The following DCHS1 variants were observed in gnomAD, a reference collection of about 807,000 sequenced individuals.
DCHS1 encodes protocadherin-16.
Under a neutral mutation model 213.9 loss-of-function variants are expected in DCHS1, and 78 were observed. The ratio of observed to expected loss-of-function variants is 0.36; its 90% CI spans 0.30 to 0.44. The LOEUF (loss-of-function observed/expected upper bound fraction) is 0.44, where lower values mean the gene tolerates loss of function less well. Ranked by LOEUF, DCHS1 falls within the 20% of genes least tolerant of loss-of-function variation. DCHS1 has a pLI of 1.00. For missense variants in DCHS1, 3,946 were observed against 4,395.9 expected, an observed-to-expected ratio of 0.90 and a Z score of 2.89; for synonymous variants, 1,828 against 1,873.7, an observed-to-expected ratio of 0.98 and a Z score of 0.63.
rs763186035 is a variant in DCHS1 at position 6,621,794 on chromosome 11, C to T, written c.9882G>A (p.Thr3294=). The change falls in exon 21 of 21, where the codon ACG becomes ACA. Residue 3294 remains threonine (T), a synonymous_variant. Transcript: ENST00000299441. ...TGGGCCACAGCTAGATGTGCAGCTCCGTGTCATCAGGTGGCTCCAGGCCAG... is the reference window on the plus strand; with the variant it reads ...TGGGCCACAGCTAGATGTGCAGCTCTGTGTCATCAGGTGGCTCCAGGCCAG... The part of the protein sequence containing the change: ...AESGLEPPDD[T]ELHI 2.4e-5 allele frequency: 38 copies of T among 1,590,062 alleles called. No homozygotes were observed. Among genetic ancestry groups the T allele is most frequent in the African/African-American group, 6.7e-5 (5 of 74,470 alleles).
At position 6,632,144 on chromosome 11, in the gene DCHS1, C is replaced by T. The variant is rs1292549544; in HGVS notation, c.3368G>A (p.Ser1123Asn). The T allele has an allele frequency of 1.3e-6, 2 of 1,588,132 alleles. No homozygotes were observed. The highest frequency in any genetic ancestry group is 1.7e-6 in the Non-Finnish European group (2 of 1,163,730). ...AVAENQPPGTSVGRVFATDRD... is the reference protein window; with the variant it reads ...AVAENQPPGTNVGRVFATDRD... ...GTCAGTGGCAAAGACTCGGCCCACGCTGGTCCCTGGGGGCTGGTTCTCAGC... is the reference window on the plus strand; with the variant it reads ...GTCAGTGGCAAAGACTCGGCCCACGTTGGTCCCTGGGGGCTGGTTCTCAGC... Residue 1123 changes from serine to asparagine, a missense_variant, in exon 6 of 21, where the codon AGC (serine) becomes AAC (asparagine). Transcript: ENST00000299441. This position sits in a 1 kb window ranked among gnomAD's most constrained non-coding sequence, Gnocchi z 5.9.
At chr11:6,634,912 A>G (rs1218043724) in intron 2 of DCHS1, 2 of 152,224 alleles carry the variant, frequency 1.3e-5, no homozygotes, top group African/African-American at 4.8e-5. Flanking sequence ...CAAATTTTTC[A>G]TCTCTCTGCC....
intron 1 of DCHS1, among the ~76,000 whole-genome samples, chr11:6,655,058 A>G (rs1219397083): frequency 1.3e-5 from 2 of 151,892 alleles, no homozygotes; most frequent in East Asian, 3.9e-4. Flanking sequence ...CTCCCCACTC[A>G]GTTTCTTTGT....
rs757747379 is a variant in DCHS1 at position 6,626,862 on chromosome 11, C to T, written c.6177G>A (p.Gln2059=). 6.8e-6 allele frequency: 11 copies of T among 1,613,524 alleles called. No homozygotes were observed. Among genetic ancestry groups the T allele is most frequent in the Non-Finnish European group, 9.3e-6 (11 of 1,179,880 alleles). The change falls in exon 14 of 21, where the codon CAG becomes CAA. Residue 2059 remains glutamine, a synonymous_variant. Transcript: ENST00000299441. The surrounding 1 kb of genome is among the most constrained non-coding windows in gnomAD (Gnocchi z 5.2). ...SATGVIIVGL[Q]GEAERGPRFP... Reference sequence around the variant, plus strand: ...AGCGGGGTCCACGCTCAGCTTCCCCCTGCAGTCCAACAATGATCACACCAG... The same window carrying T: ...AGCGGGGTCCACGCTCAGCTTCCCCTTGCAGTCCAACAATGATCACACCAG...
chr11:6,645,681 C>A (rs1318647670), intron 1 of DCHS1, among the ~76,000 whole-genome samples: 7 of 152,134 alleles, frequency 4.6e-5, no homozygotes, highest in Non-Finnish European at 7.4e-5. Context: ...CAGGCAGATG[C>A]CCTGTGTGAA....
At position 6,630,603 on chromosome 11, in the gene DCHS1, T is replaced by C. The variant is rs1038228160; in HGVS notation, c.4191A>G (p.Glu1397=). 2 of 1,542,468 alleles carry C rather than the reference T, an allele frequency of 1.3e-6. No homozygotes were observed. The highest frequency in any genetic ancestry group is 1.7e-6 in the Non-Finnish European group (2 of 1,151,346). Residue 1397 remains glutamate, a synonymous_variant, in exon 10 of 21, where the codon GAA becomes GAG. Coordinates refer to ENST00000299441, the MANE Select transcript of DCHS1 (RefSeq NM_003737.4). ...TAAGCGCGCGCCACGGCGGGCCAGC[T>C]TCGAAGTCCAGGGGCCGCGCCAGGT... ...RLYLARPLDF[E]AGPPWRALTV...
rs1761394796 is a variant in DCHS1, at chr11:6,631,727, G to A, written c.3564C>T (p.Ser1188=). The A allele has an allele frequency of 5.6e-6, 9 of 1,609,118 alleles. No homozygotes were observed. The highest frequency in any genetic ancestry group is 7.6e-6 in the Non-Finnish European group (9 of 1,177,544). ...QLLVQVQDGG[S]PPRSTTGTVH... is the part of the protein sequence containing the mutation. ...CAGTGCCTGTGGTGCTGCGGGGTGG[G>A]CTCCCTCCATCCTGCACCTGCACCA... The change falls in exon 7 of 21, where the codon AGC becomes AGT. Residue 1188 remains serine (S), a synonymous_variant. Coordinates refer to ENST00000299441, the MANE Select transcript of DCHS1 (RefSeq NM_003737.4).
chr11:6,646,812 A>G (rs1856163318), intron 1 of DCHS1, among the ~76,000 whole-genome samples: 1 of 152,050 alleles, frequency 6.6e-6, no homozygotes, highest in Non-Finnish European at 1.5e-5. Context: ...CGTGATGTCA[A>G]TTCCCCCTCC....
At chr11:6,633,317 G>A (rs1855941569) in intron 5 of DCHS1, 95 bp downstream of exon 5, 3 of 1,311,198 alleles carry the variant, frequency 2.3e-6, no homozygotes, top group Non-Finnish European at 2.1e-6. Flanking sequence ...GGGGCTATCT[G>A]CCCTGTGATA....
chr11:6,635,279 G>C (rs1855971594), intron 2 of DCHS1: 1 of 152,166 alleles, frequency 6.6e-6, no homozygotes, highest in Non-Finnish European at 1.5e-5. Flanking sequence ...GTACATAGTA[G>C]GTGCTTTATG....
At chr11:6,624,913 C>T (rs774526091) in intron 19 of DCHS1, 45 bp from the exon 20 acceptor site, 15 of 1,609,110 alleles carry the variant, frequency 9.3e-6, no homozygotes, top group East Asian at 2.2e-5. Flanking sequence ...TCCCATTTGC[C>T]CTGCTGTCCA....
In DCHS1 at chr11:6,629,504, G is replaced by A; in HGVS notation, c.5109C>T (p.Leu1703=). 6.2e-7 allele frequency: 1 copy of A among 1,613,386 alleles called. No individual in the cohort carries two copies. The highest frequency in any genetic ancestry group is 8.5e-7 in the Non-Finnish European group (1 of 1,179,658). Residue 1703 remains leucine, a synonymous_variant, in exon 12 of 21, where the codon CTC becomes CTT. Coordinates refer to ENST00000299441, the MANE Select transcript of DCHS1 (RefSeq NM_003737.4). ...SFSLDPDTGV[L]TTLRALDREE... is the part of the protein sequence containing the mutation. ...CTCGATCCAGGGCCCGAAGAGTCGTGAGAACACCAGTGTCAGGATCCAGAG... is the reference window on the plus strand; with the variant it reads ...CTCGATCCAGGGCCCGAAGAGTCGTAAGAACACCAGTGTCAGGATCCAGAG...
rs1002299258 is a variant in DCHS1, at chr11:6,626,044, C to T, written c.6607G>A (p.Gly2203Arg). 9 of 1,611,540 alleles carry T rather than the reference C, an allele frequency of 5.6e-6. No homozygotes were observed. The highest frequency in any genetic ancestry group is 7.6e-6 in the Non-Finnish European group (9 of 1,178,886). The change falls in exon 17 of 21, where the codon GGA becomes AGA. Residue 2203 changes from glycine to arginine, a missense_variant. By Grantham distance (125) the Gly-to-Arg change is moderately radical. Around this residue, in one of 3 missense-constraint regions of DCHS1, gnomAD observed 3,384 missense variants for 3,780.1 expected, o/e 0.90. Transcript: ENST00000299441. This position sits in a 1 kb window ranked among gnomAD's most constrained non-coding sequence, Gnocchi z 5.2. ...GCCAGACTGTAGGAAATCTGTCCTCCAGAGCCTTGATCCAGGTCATCCGCC... is the reference window on the plus strand; with the variant it reads ...GCCAGACTGTAGGAAATCTGTCCTCTAGAGCCTTGATCCAGGTCATCCGCC... The part of the protein sequence containing the change: ...VEADDLDQGS[G>R]GQISYSLAAS...
rs1856304409 is a variant in DCHS1, at chr11:6,655,600, C to A, written c.-158G>T. 1 of 980,058 alleles carries A rather than the reference C, an allele frequency of 1.0e-6. No homozygotes were observed. The highest frequency in any genetic ancestry group is 1.2e-6 in the Non-Finnish European group (1 of 827,942). 60.7% of individuals were successfully genotyped at this position (980,058 alleles called of 1,614,324 possible). On this transcript the variant is annotated 5_prime_UTR_variant, in exon 1 of 21. Transcript: ENST00000299441. ...CGGGCTCCCTCGCCCGGTGCTGGGG[C>A]GCCGTCCGGCCGCGGTCAGCCCCCC... is the stretch of plus-strand genomic sequence containing the variant.
rs1221320382 is a variant in DCHS1, at chr11:6,622,367, T to A, written c.9309A>T (p.Gly3103=). ...GCCCCTCCTCTCTGTAGAGAGTGGC[T>A]CCTGCACCTGGCAGCAGCAGCCCTG... ...RKAGLLLPGA[G]ATLYREEGPP... Residue 3103 remains glycine (G), a synonymous_variant, in exon 21 of 21, where the codon GGA becomes GGT. Coordinates refer to ENST00000299441, the MANE Select transcript of DCHS1 (RefSeq NM_003737.4). This position sits in a 1 kb window ranked among gnomAD's most constrained non-coding sequence, Gnocchi z 5.4. The A allele has an allele frequency of 6.3e-7, 1 of 1,575,344 alleles. No homozygotes were observed. The highest frequency in any genetic ancestry group is 1.2e-5 in the South Asian group (1 of 86,282).
rs1373514454 is a variant in DCHS1 at position 6,626,390 on chromosome 11, A to G, written c.6365-10T>C. On this transcript the variant is annotated splice_polypyrimidine_tract_variant and intron_variant, in intron 15 of 20. Transcript: ENST00000299441. This position sits in a 1 kb window ranked among gnomAD's most constrained non-coding sequence, Gnocchi z 5.2. ...CGAACTGTGATGGCACCTGGGCGAG[A>G]TAGAATGCATCAGTGATAGCCCCCT... 1 of 1,612,540 alleles carries G rather than the reference A, an allele frequency of 6.2e-7. No individual in the cohort carries two copies. Among genetic ancestry groups the G allele is most frequent in the Non-Finnish European group, 8.5e-7 (1 of 1,179,220 alleles).
At chr11:6,643,737 A>G (rs1443761528) in intron 1 of DCHS1, among the ~76,000 whole-genome samples, 2 of 152,164 alleles carry the variant, frequency 1.3e-5, no homozygotes, top group Non-Finnish European at 2.9e-5. Flanking sequence ...TCTATTTGCT[A>G]ATGACTTTCC....
At position 6,626,887 on chromosome 11, in the gene DCHS1, G is replaced by A; in HGVS notation, c.6152C>T (p.Thr2051Ile). The A allele has an allele frequency of 6.2e-7, 1 of 1,613,574 alleles. No individual in the cohort carries two copies. The highest frequency in any genetic ancestry group is 8.5e-7 in the Non-Finnish European group (1 of 1,179,884). Reference sequence around the variant, plus strand: ...CTGCAGTCCAACAATGATCACACCAGTGGCAGAGCGAGCTGGACGGCCAAG... The same window carrying A: ...CTGCAGTCCAACAATGATCACACCAATGGCAGAGCGAGCTGGACGGCCAAG... ...TDLGRPARSATGVIIVGLQGE... is the reference protein window; with the variant it reads ...TDLGRPARSAIGVIIVGLQGE... The change falls in exon 14 of 21, where the codon ACT becomes ATT. Residue 2051 changes from threonine (T) to isoleucine (I), a missense_variant. Thr to Ile is a moderately conservative substitution (Grantham distance 89). Around this residue, in one of 3 missense-constraint regions of DCHS1, gnomAD observed 3,384 missense variants for 3,780.1 expected, o/e 0.90. Transcript: ENST00000299441. The surrounding 1 kb of genome is among the most constrained non-coding windows in gnomAD (Gnocchi z 5.2).
intron 20 of DCHS1, 38 bp downstream of exon 20, chr11:6,624,692 C>A: frequency 6.2e-7 from 1 of 1,613,100 alleles, no homozygotes; most frequent in East Asian, 2.2e-5. Flanking sequence ...CAGCCCAACA[C>A]AGTCAAAGGC....
Sources: gnomAD v4.1 joint callset for allele counts (sites outside exome capture counted in the v4.1 genomes callset) on GRCh38, gnomAD v4.1.1 for gene constraint, gnomAD v4.1.1 regional missense constraint, Gnocchi (gnomAD v3.1) non-coding constraint, MANE v1.5 for transcripts, NCBI Gene and HGNC (gene_info 2026-07-23, HGNC 2026-07-21) for gene names.